The following STMN3 variants were observed in gnomAD, a reference collection of about 807,000 sequenced individuals.
The protein encoded by STMN3 is stathmin-3.
STMN3 carries 24 observed loss-of-function variants against 23.2 expected under a neutral mutation model. The observed-to-expected ratio is 1.03, with a 90% CI of 0.75 to 1.45. The LOEUF is 1.45. STMN3 is among the 40% of genes most tolerant of loss of function. The pLI is 0.00. For missense variants in STMN3, 235 were observed against 237.6 expected (o/e 0.99, Z 0.07); for synonymous variants, 117 against 103.4 (o/e 1.13, Z -0.80).
rs768277932 is a variant in STMN3, at chr20:63,642,108, C to T, written c.483G>A (p.Lys161=). 7 of 1,513,878 alleles carry T rather than the reference C, an allele frequency of 4.6e-6. No homozygotes were observed. The highest frequency in any genetic ancestry group is 2.8e-5 in the East Asian group (1 of 35,296). 93.8% of individuals were successfully genotyped at this position (1,513,878 alleles called of 1,614,324 possible). A position where few individuals can be genotyped will look rare whatever the true frequency, so the allele number is the denominator to read the frequency against. Residue 161 remains lysine (K), a splice_region_variant and synonymous_variant, in exon 4 of 5, where the codon AAG becomes AAA. Transcript: ENST00000370053. ...LAALRERLRE[K]ELHAAEVRRN... is the part of the protein sequence containing the mutation. Reference sequence around the variant, plus strand: ...CTCCGCCCCGGCCCCGCCCCCGCACCTTCTCGCGCAGCCGCTCGCGCAGTG... The same window carrying T: ...CTCCGCCCCGGCCCCGCCCCCGCACTTTCTCGCGCAGCCGCTCGCGCAGTG...
chr20:63,647,687 G>A (rs62207015), intron 1 of STMN3, among the ~76,000 whole-genome samples: 42,078 of 73,546 alleles, frequency 0.57, 9,856 homozygotes, highest in African/African-American at 0.71. Context: ...ATATATACAC[G>A]TGTATATATA....
chr20:63,647,027 G>C (rs990175599), intron 1 of STMN3, among the ~76,000 whole-genome samples: 1 of 152,018 alleles, frequency 6.6e-6, no homozygotes, highest in Non-Finnish European at 1.5e-5. Context: ...GAAAAAAATA[G>C]CTGGGCGTGG....
Position 63,643,906 on chromosome 20 carries a change from C to G in STMN3, c.141G>C (p.Lys47Asn), listed in dbSNP as rs2146115302. ...YGDMEVKQLD[K>N]RASGQSFEVI... ...CCTCGAAGCTCTGGCCTGAGGCCCG[C>G]TTGTCCAGCTGCTTCACCTCCATGT... Residue 47 changes from lysine to asparagine, a missense_variant, in exon 3 of 5, where the codon AAG (lysine) becomes AAC (asparagine). Transcript: ENST00000370053. 1 of 1,598,506 alleles carries G rather than the reference C, an allele frequency of 6.3e-7. No individual in the cohort carries two copies. Among genetic ancestry groups the G allele is most frequent in the South Asian group, 1.1e-5 (1 of 88,788 alleles).
rs1016117373 is a variant in STMN3, at chr20:63,641,181, G to C, written c.*157C>G. 1.8e-5 allele frequency: 13 copies of C among 717,130 alleles called. No homozygotes were observed. In the South Asian group the frequency reaches 2.0e-4, roughly 11 times the overall value. The allele number at this position is 717,130 out of a possible 1,614,324, so 44.4% of individuals were successfully genotyped here. A position where few individuals can be genotyped will look rare whatever the true frequency, so the allele number is the denominator to read the frequency against. ...AGCCGTGGTCAGCGACTCACCACGA[G>C]GACAGGGCAGGGCGGCTGAGTGCGG... On this transcript the variant is annotated 3_prime_UTR_variant, in exon 5 of 5. Coordinates refer to ENST00000370053, the MANE Select transcript of STMN3 (RefSeq NM_015894.4).
chr20:63,645,163 C>G (rs1403008654), intron 1 of STMN3, among the ~76,000 whole-genome samples: 1 of 152,190 alleles, frequency 6.6e-6, no homozygotes, highest in Non-Finnish European at 1.5e-5. Context: ...CTCTCCCCTC[C>G]TCCTCCTTCC....
chr20:63,644,700 G>T (rs1297011733), intron 1 of STMN3, among the ~76,000 whole-genome samples: 2 of 152,304 alleles, frequency 1.3e-5, no homozygotes, highest in East Asian at 3.9e-4. Flanking sequence ...GTGTGCGGAG[G>T]TGAGGCATTC....
At position 63,652,982 on chromosome 20, in the gene STMN3, G is replaced by A. The variant is rs1011482175; in HGVS notation, c.19+345C>T. On this transcript the variant is annotated intron_variant, in intron 1 of 4. Coordinates refer to ENST00000370053, the MANE Select transcript of STMN3 (RefSeq NM_015894.4). The surrounding 1 kb of genome is among the most constrained non-coding windows in gnomAD (Gnocchi z 5.3). ...GCCGGACGCCCCAGGGACCCCGCCC[G>A]CACATCGCGAGCGCGCCCACCCGGT... Among the ~76,000 whole-genome samples, 3 of 152,000 alleles carry A rather than the reference G, an allele frequency of 2.0e-5. No homozygotes were observed. The highest frequency in any genetic ancestry group is 7.2e-5 in the African/African-American group (3 of 41,436).
chr20:63,649,419 A>G (rs1309444569), intron 1 of STMN3, among the ~76,000 whole-genome samples: 3 of 152,110 alleles, frequency 2.0e-5, no homozygotes, highest in Non-Finnish European at 4.4e-5. Flanking sequence ...ACTGCCTCTT[A>G]TTACAGAGAG....
chr20:63,647,963 T>TAC lies in STMN3; in HGVS notation c.20-3655_20-3654insGT, dbSNP rs2089829825. The stretch of plus-strand genomic sequence containing the variant: ...GTGTGTGTGTGTATATATATATGTA[T>TAC]ATATATATATATATATACATATATA... On this transcript the variant is annotated intron_variant, in intron 1 of 4. Transcript: ENST00000370053. Among the ~76,000 whole-genome samples, 7 of 78,982 alleles carry TAC rather than the reference T, an allele frequency of 8.9e-5. 1 individual carries two copies. The highest frequency in any genetic ancestry group is 4.3e-4 in the Admixed American group (3 of 7,038). The allele number at this position is 78,982 out of a possible 152,430, so 51.8% of individuals were successfully genotyped here.
At chr20:63,651,758 C>A (rs1267308112) in intron 1 of STMN3, among the ~76,000 whole-genome samples, 1 of 152,234 alleles carries the variant, frequency 6.6e-6, no homozygotes, top group African/African-American at 2.4e-5. Context: ...AGAGGTTAGG[C>A]AGCTCGGACA....
chr20:63,646,243 T>C (rs1335398027), intron 1 of STMN3, among the ~76,000 whole-genome samples: 1 of 151,896 alleles, frequency 6.6e-6, no homozygotes, highest in African/African-American at 2.4e-5. Flanking sequence ...AATGAGACTT[T>C]GAGCCGGGAA....
rs200013533 is a variant in STMN3, at chr20:63,647,730, CATAT to C, written c.20-3425_20-3422del. Among the ~76,000 whole-genome samples the C allele has an allele frequency of 2.7e-5, 3 of 109,590 alleles. 1 individual carries two copies. The highest frequency in any genetic ancestry group is 9.7e-5 in the Admixed American group (1 of 10,266). 71.9% of individuals were successfully genotyped at this position (109,590 alleles called of 152,430 possible). A position where few individuals can be genotyped will look rare whatever the true frequency, so the allele number is the denominator to read the frequency against. ...TATACACGTGTATATATATTATATACATATATATACACGTGTATATATATAATAT... is the reference window on the plus strand; with the variant it reads ...TATACACGTGTATATATATTATATACATATACACGTGTATATATATAATAT... On this transcript the variant is annotated intron_variant, in intron 1 of 4. Coordinates refer to ENST00000370053, the MANE Select transcript of STMN3 (RefSeq NM_015894.4).
chr20:63,641,024 C>T lies in STMN3; in HGVS notation c.*314G>A, dbSNP rs1381508139. 7.8e-5 allele frequency: 36 copies of T among 464,366 alleles called. No homozygotes were observed. Among genetic ancestry groups the T allele is most frequent in the Non-Finnish European group, 1.3e-4 (32 of 249,912 alleles). The allele number at this position is 464,366 out of a possible 1,614,324, so 28.8% of individuals were successfully genotyped here. On this transcript the variant is annotated 3_prime_UTR_variant, in exon 5 of 5. Transcript: ENST00000370053. ...ACAGCCCAGCGTAAGGACCCGTGATCCCACGCCACCGCCCTGGGTTTACCA... is the reference window on the plus strand; with the variant it reads ...ACAGCCCAGCGTAAGGACCCGTGATTCCACGCCACCGCCCTGGGTTTACCA...
intron 1 of STMN3, among the ~76,000 whole-genome samples, chr20:63,647,578 T>C (rs964217811): frequency 1.3e-5 from 2 of 149,232 alleles, no homozygotes; most frequent in Admixed American, 1.4e-4. Flanking sequence ...ATCACGCCAC[T>C]GCACTCCAGC....
At chr20:63,648,726 ACT>A (rs1460553005) in intron 1 of STMN3, among the ~76,000 whole-genome samples, 2 of 152,106 alleles carry the variant, frequency 1.3e-5, no homozygotes, top group Non-Finnish European at 2.9e-5. Context: ...ACACAGCGAG[ACT>A]CTGTCTCAAA....
rs1430900987 is a variant in STMN3 at position 63,641,141 on chromosome 20, G to A, written c.*197C>T. 3.1e-6 allele frequency: 2 copies of A among 639,584 alleles called. No individual in the cohort carries two copies. The highest frequency in any genetic ancestry group is 3.6e-5 in the African/African-American group (2 of 55,668). 39.6% of individuals were successfully genotyped at this position (639,584 alleles called of 1,614,324 possible). A position where few individuals can be genotyped will look rare whatever the true frequency, so the allele number is the denominator to read the frequency against. ...CGAGGGACCGCGTCTCACGCCCGGC[G>A]GCTCCTGCAGGGGAAGCCGTGGTCA... On this transcript the variant is annotated 3_prime_UTR_variant, in exon 5 of 5. Coordinates refer to ENST00000370053, the MANE Select transcript of STMN3 (RefSeq NM_015894.4).
In STMN3 at chr20:63,649,175, A is replaced by G. The variant is rs556878967; in HGVS notation, c.19+4152T>C. Among the ~76,000 whole-genome samples, 282 of 152,266 alleles carry G rather than the reference A, an allele frequency of 1.9e-3. 3 individuals carry two copies. The highest frequency in any genetic ancestry group is 3.2e-3 in the Non-Finnish European group (218 of 68,014). On this transcript the variant is annotated intron_variant, in intron 1 of 4. Coordinates refer to ENST00000370053, the MANE Select transcript of STMN3 (RefSeq NM_015894.4). ...TTCTATCCCAAGAGACTGTCCCTCA[A>G]GGAGCAAGTGGGACCAGGTACCCAC...
intron 1 of STMN3, 130 bp downstream of exon 1, chr20:63,653,197 C>G (rs2089874291): frequency 1.6e-6 from 2 of 1,242,484 alleles, no homozygotes; most frequent in African/African-American, 3.2e-5. Context: ...CGGGTCGGGC[C>G]CAGGCTTGCA....
chr20:63,644,865 C>T (rs2089797458), intron 1 of STMN3, among the ~76,000 whole-genome samples: 1 of 151,876 alleles, frequency 6.6e-6, no homozygotes, highest in Non-Finnish European at 1.5e-5. Context: ...CCGACTCTGC[C>T]GGCACCTTGA....
Sources: allele counts gnomAD v4.1 joint callset (sites outside exome capture counted in the v4.1 genomes callset), GRCh38; gene constraint gnomAD v4.1.1; non-coding constraint Gnocchi (gnomAD v3.1); transcripts MANE v1.5; gene names NCBI Gene and HGNC (gene_info 2026-07-23, HGNC 2026-07-21).